PRKX: variants seen among roughly 807,000 people sequenced by gnomAD.
The protein encoded by PRKX is cAMP-dependent protein kinase catalytic subunit PRKX.
Under a neutral mutation model 22.0 loss-of-function variants are expected in PRKX, and 12 were observed. The ratio of observed to expected loss-of-function variants is 0.54; its 90% confidence interval spans 0.35 to 0.88. The LOEUF (loss-of-function observed/expected upper bound fraction) is 0.88. Ranked by LOEUF, PRKX falls within the 40% of genes least tolerant of loss-of-function variation. PRKX has a pLI of 0.01. For missense variants in PRKX, 217 were observed against 308.0 expected (o/e 0.70, Z 2.21); for synonymous variants, 134 against 137.7 (o/e 0.97, Z 0.19).
At chrX:3,687,775 C>T (rs1237667821) in intron 1 of PRKX, among the ~76,000 whole-genome samples, 1 of 110,811 alleles carries the variant, frequency 9.0e-6, no homozygotes, top group Non-Finnish European at 1.9e-5. Context: ...AGAAAAAAAA[C>T]CCCAAACAGG....
At chrX:3,620,948 T>C (rs1010386161) in intron 6 of PRKX, among the ~76,000 whole-genome samples, 1 of 110,999 alleles carries the variant, frequency 9.0e-6, no homozygotes, top group African/African-American at 3.3e-5. Context: ...AAAAATAAAA[T>C]AAATAAGTAA....
chrX:3,676,180 A>G (rs1437121687), intron 1 of PRKX, among the ~76,000 whole-genome samples: 2 of 112,007 alleles, frequency 1.8e-5, no homozygotes, highest in Non-Finnish European at 3.8e-5. Flanking sequence ...GAGATGAGCA[A>G]CTAAAACAAA....
In PRKX at chrX:3,713,299, G is replaced by A. The variant is rs1313661865; in HGVS notation, c.-46C>T. The A allele has an allele frequency of 1.1e-6, 1 of 948,929 alleles. No homozygotes were observed. Among genetic ancestry groups the A allele is most frequent in the Non-Finnish European group, 1.3e-6 (1 of 760,357 alleles). The allele number at this position is 948,929 out of a possible 1,213,427, so 78.2% of individuals were successfully genotyped here. On this transcript the variant is annotated 5_prime_UTR_variant, in exon 1 of 9. Coordinates refer to ENST00000262848, the MANE Select transcript of PRKX (RefSeq NM_005044.5). Reference sequence around the variant, plus strand: ...GGCACCGGGCCAGGCCGGAGCGCTCGGGGAGCCGGGCTTCCCGGGACGCAG... The same window carrying A: ...GGCACCGGGCCAGGCCGGAGCGCTCAGGGAGCCGGGCTTCCCGGGACGCAG...
chrX:3,675,114 C>T (rs943047757), intron 1 of PRKX, among the ~76,000 whole-genome samples: 6 of 111,789 alleles, frequency 5.4e-5, no homozygotes, highest in Middle Eastern at 4.2e-3. Flanking sequence ...CACACACCCA[C>T]ATGGAGAAGC....
At chrX:3,666,262 C>T (rs1927727705) in intron 2 of PRKX, among the ~76,000 whole-genome samples, 1 of 107,059 alleles carries the variant, frequency 9.3e-6, no homozygotes, top group Admixed American at 1.0e-4. Flanking sequence ...TCATGCCGTT[C>T]TCCTGCCTCA....
chrX:3,666,911 T>TTAAA (rs1555896018), intron 2 of PRKX, among the ~76,000 whole-genome samples: 4 of 65,792 alleles, frequency 6.1e-5, no homozygotes, highest in African/African-American at 1.8e-4. Context: ...TCATTTCTTT[T>TTAAA]AAAAAAAAAA....
chrX:3,614,167 T>C (rs1367532793), intron 7 of PRKX, among the ~76,000 whole-genome samples: 1 of 112,145 alleles, frequency 8.9e-6, no homozygotes, highest in East Asian at 2.8e-4. Flanking sequence ...CTGTCATTTA[T>C]AGCACCACGA....
At chrX:3,615,064 G>A (rs767099787) in intron 7 of PRKX, among the ~76,000 whole-genome samples, 2 of 85,946 alleles carry the variant, frequency 2.3e-5, no homozygotes, top group South Asian at 1.4e-3. Flanking sequence ...TGTCGCCCAG[G>A]CTGGAGTGCA....
At chrX:3,646,625 T>C (rs1927193528) in intron 3 of PRKX, among the ~76,000 whole-genome samples, 1 of 111,710 alleles carries the variant, frequency 9.0e-6, no homozygotes, top group South Asian at 3.7e-4. Context: ...TACATTGCCT[T>C]TTCTTATAGG....
At chrX:3,709,183 C>CAAAAAAAAAA (rs35004174) in intron 1 of PRKX, among the ~76,000 whole-genome samples, 2 of 47,618 alleles carry the variant, frequency 4.2e-5, no homozygotes, top group African/African-American at 1.6e-4. Flanking sequence ...GACCCTGTCT[C>CAAAAAAAAAA]AAAAAAAAAA....
intron 1 of PRKX, among the ~76,000 whole-genome samples, chrX:3,689,229 A>C (rs1332458879): frequency 1.8e-5 from 2 of 112,655 alleles, no homozygotes; most frequent in Non-Finnish European, 3.7e-5. Flanking sequence ...CCCTGGGTAA[A>C]ATCAATAAAA....
chrX:3,626,348 C>A (rs764879127), intron 5 of PRKX, 71 bp downstream of exon 5: 10 of 827,570 alleles, frequency 1.2e-5, no homozygotes, highest in Non-Finnish European at 1.6e-5. Context: ...CTGCTGAGTG[C>A]GTGCTTTCAC....
chrX:3,630,710 G>C (rs2398586), intron 4 of PRKX, among the ~76,000 whole-genome samples: 49,202 of 110,253 alleles, frequency 0.45, 8,145 homozygotes, highest in East Asian at 0.97. Flanking sequence ...AGCAAAGGGG[G>C]AAGTACTACA....
At chrX:3,649,966 C>A (rs1296624527) in intron 3 of PRKX, among the ~76,000 whole-genome samples, 1 of 109,382 alleles carries the variant, frequency 9.1e-6, no homozygotes, top group Non-Finnish European at 1.9e-5. Flanking sequence ...ATAGTGAAAC[C>A]CCGTCTCTAC....
intron 2 of PRKX, among the ~76,000 whole-genome samples, chrX:3,664,865 G>A: frequency 2.7e-5 from 3 of 112,120 alleles, no homozygotes. Context: ...TGGGTACAAT[G>A]TTCACTATTC....
intron 2 of PRKX, among the ~76,000 whole-genome samples, chrX:3,666,257 C>T (rs1435366115): frequency 9.4e-6 from 1 of 106,059 alleles, no homozygotes; most frequent in Non-Finnish European, 1.9e-5. Flanking sequence ...CAGGTTCATG[C>T]CGTTCTCCTG....
Position 3,713,579 on chromosome X carries a change from G to A in PRKX, c.-326C>T, listed in dbSNP as rs7053882. On this transcript the variant is annotated 5_prime_UTR_variant, in exon 1 of 9. Transcript: ENST00000262848. ...GCGAGGCGGGGGCCCTGCGCATTCC[G>A]GGTCTCGCGCCCGCCGCCTCCTCCA... The A allele has an allele frequency of 2.6e-5, 4 of 156,721 alleles. No individual in the cohort carries two copies. Among genetic ancestry groups the A allele is most frequent in the Non-Finnish European group, 3.6e-5 (3 of 82,514 alleles). 12.9% of individuals were successfully genotyped at this position (156,721 alleles called of 1,213,427 possible). A position where few individuals can be genotyped will look rare whatever the true frequency, so the allele number is the denominator to read the frequency against.
At chrX:3,650,794 G>A (rs1176042301) in intron 3 of PRKX, among the ~76,000 whole-genome samples, 2 of 103,458 alleles carry the variant, frequency 1.9e-5, no homozygotes, top group Admixed American at 1.1e-4. Context: ...TGGGAGGATC[G>A]CTTGAGCCCA....
chrX:3,641,464 A>G (rs967015333), intron 4 of PRKX: 12 of 161,480 alleles, frequency 7.4e-5, no homozygotes, highest in Admixed American at 6.8e-4. Context: ...CAAGCGCAGA[A>G]GTGATAAGGG....
Sources: allele counts gnomAD v4.1 joint callset (sites outside exome capture counted in the v4.1 genomes callset), GRCh38; gene constraint gnomAD v4.1.1; transcripts MANE v1.5; gene names NCBI Gene and HGNC (gene_info 2026-07-23, HGNC 2026-07-21).